Variants in GPHN observed in about 807,000 individuals in gnomAD.
GPHN encodes gephyrin.
GPHN carries 17 observed loss-of-function variants against 95.5 expected under a neutral mutation model. The observed-to-expected ratio is 0.18, with a 90% CI of 0.12 to 0.27. The LOEUF (loss-of-function observed/expected upper bound fraction) is 0.27, where lower values mean the gene tolerates loss of function less well. Ranked by LOEUF, GPHN falls within the 10% of genes least tolerant of loss-of-function variation. GPHN has a pLI of 1.00. For synonymous variants in GPHN, 320 were observed against 322.5 expected, an observed-to-expected ratio of 0.99 and a Z score of 0.08; for missense variants, 660 against 978.1, an observed-to-expected ratio of 0.67 and a Z score of 4.34.
Position 66,967,125 on chromosome 14 carries a change from T to C in GPHN, c.963+1800T>C, listed in dbSNP as rs551672179. Among the ~76,000 whole-genome samples the C allele has an allele frequency of 5.9e-5, 9 of 152,010 alleles. No individual in the cohort carries two copies. The East Asian group carries it at 1.4e-3, about 23-fold the overall frequency. On this transcript the variant is annotated intron_variant, in intron 9 of 22. Transcript: ENST00000478722. ...TTCTAGGAATAAGATTATATTTCTT[T>C]TGAATAATTTTGATCAGCACTAGAA...
chr14:66,517,452 G>A (rs1034351118), intron 1 of GPHN, among the ~76,000 whole-genome samples: 1 of 152,124 alleles, frequency 6.6e-6, no homozygotes, highest in Non-Finnish European at 1.5e-5. Context: ...GTTAAAATTT[G>A]TATGGAACCA....
chr14:67,272,921 G>A, the GPHN span, among the ~76,000 whole-genome samples: 4 of 152,122 alleles, frequency 2.6e-5, no homozygotes, highest in Non-Finnish European at 5.9e-5. Context: ...CACAGCCTCA[G>A]CCTCAGCCTC....
At chr14:67,012,842 T>C (rs140228567) in intron 9 of GPHN, among the ~76,000 whole-genome samples, 1,832 of 152,296 alleles carry the variant, frequency 0.012, 19 homozygotes, top group Non-Finnish European at 0.018. Context: ...ACTAAAATGA[T>C]ACTTATTCAG....
chr14:67,043,913 G>T (rs182245863), intron 10 of GPHN, among the ~76,000 whole-genome samples: 3 of 152,254 alleles, frequency 2.0e-5, no homozygotes, highest in East Asian at 1.9e-4. Context: ...CTTGTTAATG[G>T]TTTATTCAGG....
At chr14:67,229,486 A>T in the GPHN span, among the ~76,000 whole-genome samples, 5 of 152,316 alleles carry the variant, frequency 3.3e-5, no homozygotes, top group African/African-American at 7.2e-5. Context: ...ATTTTTAATA[A>T]ATGTAAATTC....
chr14:66,898,466 TAAAAAAAAAAA>T (rs59434196), intron 5 of GPHN, among the ~76,000 whole-genome samples: 8 of 91,756 alleles, frequency 8.7e-5, no homozygotes, highest in East Asian at 9.0e-4. Context: ...GCTACTTGTT[TAAAAAAAAAAA>T]AAAAAAAAAA....
chr14:67,167,194 G>C (rs1317729574), intron 20 of GPHN, among the ~76,000 whole-genome samples: 1 of 152,024 alleles, frequency 6.6e-6, no homozygotes, highest in African/African-American at 2.4e-5. Context: ...ACCCACATAT[G>C]GATAAACCAC....
At chr14:67,644,064 A>G in the GPHN span, among the ~76,000 whole-genome samples, 1 of 152,266 alleles carries the variant, frequency 6.6e-6, no homozygotes. Context: ...CCACTGATCA[A>G]TGTGATTACC....
chr14:66,773,996 T>G (rs113648891), intron 2 of GPHN, among the ~76,000 whole-genome samples: 203 of 58,724 alleles, frequency 3.5e-3, no homozygotes, highest in African/African-American at 0.027. Context: ...CTAGAAAGTT[T>G]TTTTTTTTTT....
chr14:67,578,121 C>T, the GPHN span: 10 of 1,613,696 alleles, frequency 6.2e-6, no homozygotes, highest in Admixed American at 3.3e-5. This position sits in a 1 kb window ranked among gnomAD's most constrained non-coding sequence, Gnocchi z 5.0. Flanking sequence ...TGGTTCACCC[C>T]GAGCTGCAGA....
chr14:66,877,689 A>G (rs556478294), intron 4 of GPHN, among the ~76,000 whole-genome samples: 5 of 152,304 alleles, frequency 3.3e-5, no homozygotes, highest in African/African-American at 1.2e-4. Flanking sequence ...GATGTGAAGG[A>G]CCTCTTCAAG....
At chr14:66,960,081 T>G (rs1181897143) in intron 8 of GPHN, among the ~76,000 whole-genome samples, 1 of 152,080 alleles carries the variant, frequency 6.6e-6, no homozygotes. Context: ...ATTTGGTTTC[T>G]TTTTATGATA....
intron 10 of GPHN, among the ~76,000 whole-genome samples, chr14:67,051,654 A>G (rs925552828): frequency 6.6e-6 from 1 of 152,204 alleles, no homozygotes; most frequent in South Asian, 2.1e-4. Context: ...CAAGACACAT[A>G]ATCATCAGAT....
At chr14:67,509,403 C>T in the GPHN span, among the ~76,000 whole-genome samples, 1 of 152,162 alleles carries the variant, frequency 6.6e-6, no homozygotes, top group Non-Finnish European at 1.5e-5. Flanking sequence ...ACTGCAACCT[C>T]CACCTCCCAG....
the GPHN span, among the ~76,000 whole-genome samples, chr14:67,404,310 T>C: frequency 2.6e-5 from 4 of 152,082 alleles, no homozygotes; most frequent in African/African-American, 9.7e-5. Flanking sequence ...CAAAGCACTT[T>C]TACTCATATT....
At chr14:66,706,448 G>A (rs1467458271) in intron 2 of GPHN, among the ~76,000 whole-genome samples, 3 of 152,070 alleles carry the variant, frequency 2.0e-5, no homozygotes, top group African/African-American at 7.2e-5. Context: ...CAGCATGGTA[G>A]TGGTACCAAA....
chr14:67,326,047 G>A, the GPHN span, among the ~76,000 whole-genome samples: 8 of 136,570 alleles, frequency 5.9e-5, no homozygotes, highest in African/African-American at 1.1e-4. Context: ...GGATGGTCTC[G>A]ATCTCGTGAC....
chr14:66,824,993 A>T (rs1356014366), intron 4 of GPHN, among the ~76,000 whole-genome samples: 1 of 152,186 alleles, frequency 6.6e-6, no homozygotes, highest in East Asian at 1.9e-4. Context: ...ATTTTACAGT[A>T]CTTTTGTTGA....
intron 6 of GPHN, among the ~76,000 whole-genome samples, chr14:66,920,082 A>C (rs1041944246): frequency 4.6e-5 from 7 of 152,120 alleles, no homozygotes; most frequent in South Asian, 2.1e-4. Context: ...AACAAACAAA[A>C]AAAAATGGTT....
Sources: allele counts gnomAD v4.1 joint callset (sites outside exome capture counted in the v4.1 genomes callset), GRCh38; gene constraint gnomAD v4.1.1; non-coding constraint Gnocchi (gnomAD v3.1); transcripts MANE v1.5; gene names NCBI Gene and HGNC (gene_info 2026-07-23, HGNC 2026-07-21).